The following NRG3 variants were observed in gnomAD, a reference collection of about 807,000 sequenced individuals.
NRG3 encodes pro-neuregulin-3, membrane-bound isoform.
In NRG3, 31 loss-of-function variants were observed where a neutral mutation model predicts 66.9. That is an observed-to-expected ratio of 0.46 (90% CI 0.35 to 0.63). NRG3 has a LOEUF of 0.63. Among genes scored for constraint, NRG3 ranks in the 20% least tolerant of loss-of-function variants. NRG3 has a pLI of 0.00. For synonymous variants in NRG3, 393 were observed against 359.4 expected (o/e 1.09, Z -1.06); for missense variants, 910 against 878.9 (o/e 1.04, Z -0.45).
At chr10:82,562,606 G>C (rs1012213120) in intron 2 of NRG3, among the ~76,000 whole-genome samples, 2 of 152,104 alleles carry the variant, frequency 1.3e-5, no homozygotes, top group African/African-American at 4.8e-5. Context: ...TAGTTCTATT[G>C]GTCATGGCAA....
At chr10:82,259,221 A>C (rs1193185032) in intron 1 of NRG3, among the ~76,000 whole-genome samples, 1 of 152,310 alleles carries the variant, frequency 6.6e-6, no homozygotes, top group Non-Finnish European at 1.5e-5. Flanking sequence ...TTTTCACTTC[A>C]GTTCACTTTC....
intron 1 of NRG3, among the ~76,000 whole-genome samples, chr10:82,152,865 T>C (rs1039679124): frequency 2.6e-5 from 4 of 151,482 alleles, no homozygotes; most frequent in Non-Finnish European, 2.9e-5. Flanking sequence ...TTTTCTTTCT[T>C]TTTCTTTTCT....
At chr10:81,949,808 T>C (rs1440928026) in intron 1 of NRG3, among the ~76,000 whole-genome samples, 1 of 152,226 alleles carries the variant, frequency 6.6e-6, no homozygotes. Context: ...TTAAAGTCCT[T>C]GGTCCTCATG....
At chr10:82,435,462 T>C (rs1018402474) in intron 2 of NRG3, among the ~76,000 whole-genome samples, 2 of 152,146 alleles carry the variant, frequency 1.3e-5, no homozygotes, top group Non-Finnish European at 2.9e-5. Context: ...TCTTCTCTGA[T>C]CTTAGTTATT....
intron 3 of NRG3, among the ~76,000 whole-genome samples, chr10:82,767,860 T>A (rs2059575259): frequency 6.7e-6 from 1 of 149,938 alleles, no homozygotes; most frequent in African/African-American, 2.5e-5. Flanking sequence ...TTATTTTCTA[T>A]GAATTATCTC....
At chr10:82,852,352 T>G (rs965651687) in intron 3 of NRG3, among the ~76,000 whole-genome samples, 3 of 152,006 alleles carry the variant, frequency 2.0e-5, no homozygotes, top group Non-Finnish European at 4.4e-5. Context: ...ACACGGGGCT[T>G]AAAACCTAGA....
intron 1 of NRG3, among the ~76,000 whole-genome samples, chr10:82,069,335 C>G (rs532409481): frequency 6.6e-6 from 1 of 152,162 alleles, no homozygotes; most frequent in Non-Finnish European, 1.5e-5. Flanking sequence ...AGTGAAATAA[C>G]AGGTACTGAT....
intron 3 of NRG3, among the ~76,000 whole-genome samples, chr10:82,743,700 G>C (rs915271346): frequency 6.6e-6 from 1 of 151,976 alleles, no homozygotes; most frequent in Non-Finnish European, 1.5e-5. Context: ...TTTGCCATAT[G>C]TGTCACAGTG....
chr10:82,352,823 C>A (rs1023994032), intron 1 of NRG3, among the ~76,000 whole-genome samples: 1 of 149,830 alleles, frequency 6.7e-6, no homozygotes, highest in African/African-American at 2.5e-5. Context: ...TGGTCTTCAT[C>A]GTAAGAGCCG....
At chr10:82,129,118 G>A (rs943283444) in intron 1 of NRG3, among the ~76,000 whole-genome samples, 4 of 151,744 alleles carry the variant, frequency 2.6e-5, no homozygotes, top group Non-Finnish European at 5.9e-5. Flanking sequence ...TCACCATTTC[G>A]GCCAGGCTGG....
intron 3 of NRG3, among the ~76,000 whole-genome samples, chr10:82,807,331 A>G (rs2061331842): frequency 6.6e-6 from 1 of 152,234 alleles, no homozygotes; most frequent in Non-Finnish European, 1.5e-5. Flanking sequence ...AATTTGAGCA[A>G]GTAAACTTGC....
intron 1 of NRG3, among the ~76,000 whole-genome samples, chr10:82,038,347 C>G (rs1482507289): frequency 6.6e-6 from 1 of 152,152 alleles, no homozygotes; most frequent in South Asian, 2.1e-4. Flanking sequence ...TTTCCAAACA[C>G]CAGGCTGTAT....
At chr10:82,161,106 T>TA (rs1469029786) in intron 1 of NRG3, among the ~76,000 whole-genome samples, 1 of 152,020 alleles carries the variant, frequency 6.6e-6, no homozygotes, top group African/African-American at 2.4e-5. Context: ...ATTAAAAAAC[T>TA]AAGAATTCTA....
chr10:81,945,821 A>T (rs1160110397), intron 1 of NRG3, among the ~76,000 whole-genome samples: 1 of 152,092 alleles, frequency 6.6e-6, no homozygotes, highest in Non-Finnish European at 1.5e-5. Context: ...CTTTATATAA[A>T]GGAGAAATTT....
At chr10:82,355,881 C>A (rs1204794465) in intron 1 of NRG3, among the ~76,000 whole-genome samples, 1 of 151,546 alleles carries the variant, frequency 6.6e-6, no homozygotes, top group Non-Finnish European at 1.5e-5. Context: ...ATGATCATAC[C>A]CAATATTTTA....
intron 1 of NRG3, among the ~76,000 whole-genome samples, chr10:81,994,036 G>A (rs1433170196): frequency 6.6e-6 from 1 of 152,068 alleles, no homozygotes; most frequent in African/African-American, 2.4e-5. Flanking sequence ...TTTACCAAAC[G>A]TACGAAAAAT....
intron 1 of NRG3, among the ~76,000 whole-genome samples, chr10:81,897,940 C>G (rs1488352195): frequency 6.6e-6 from 1 of 152,044 alleles, no homozygotes; most frequent in Admixed American, 6.6e-5. Context: ...GGGGGAGATA[C>G]AAAAATAATA....
intron 3 of NRG3, among the ~76,000 whole-genome samples, chr10:82,792,674 G>T (rs1231812685): frequency 6.6e-6 from 1 of 151,594 alleles, no homozygotes; most frequent in Non-Finnish European, 1.5e-5. Flanking sequence ...TTAATTGAGG[G>T]TTTTTATTTA....
intron 1 of NRG3, among the ~76,000 whole-genome samples, chr10:81,931,485 G>A (rs897119893): frequency 6.6e-6 from 1 of 152,150 alleles, no homozygotes; most frequent in African/African-American, 2.4e-5. Flanking sequence ...CTAGAACAAA[G>A]GCTGTCATCA....
Sources: gnomAD v4.1 joint callset for allele counts (sites outside exome capture counted in the v4.1 genomes callset) on GRCh38, gnomAD v4.1.1 for gene constraint, MANE v1.5 for transcripts, NCBI Gene and HGNC (gene_info 2026-07-23, HGNC 2026-07-21) for gene names.